Variants in PTPRD observed in about 807,000 individuals in gnomAD.
PTPRD encodes protein tyrosine phosphatase receptor type D.
PTPRD carries 34 observed loss-of-function variants against 214.5 expected under a neutral mutation model. The observed-to-expected ratio is 0.16, with a 90% CI of 0.12 to 0.21. PTPRD has a LOEUF of 0.21. PTPRD is among the 10% of genes least tolerant of loss of function. PTPRD has a pLI of 1.00. For missense variants in PTPRD, 2,545 were observed against 2,398.7 expected, an observed-to-expected ratio of 1.06 and a Z score of -1.27; for synonymous variants, 1,128 against 845.7, an observed-to-expected ratio of 1.33 and a Z score of -5.79.
intron 12 of PTPRD, among the ~76,000 whole-genome samples, chr9:8,706,994 G>C (rs1388429182): frequency 1.3e-5 from 2 of 152,104 alleles, no homozygotes; most frequent in African/African-American, 4.8e-5. Flanking sequence ...AAAGCACTGA[G>C]TTTTACTATT....
chr9:8,815,294 T>A (rs890054653), intron 11 of PTPRD, among the ~76,000 whole-genome samples: 5 of 152,100 alleles, frequency 3.3e-5, no homozygotes, highest in African/African-American at 1.2e-4. Context: ...TTACCTTTAA[T>A]CACAGGGAAT....
chr9:9,678,449 A>G (rs550632433), intron 7 of PTPRD, among the ~76,000 whole-genome samples: 2 of 152,212 alleles, frequency 1.3e-5, no homozygotes, highest in Admixed American at 6.6e-5. Context: ...GACAAACCTG[A>G]CAAAAACAAG....
chr9:9,052,236 C>T lies in PTPRD; in HGVS notation c.-142-33501G>A, dbSNP rs187954919. Among the ~76,000 whole-genome samples, 18 of 152,260 alleles carry T rather than the reference C, an allele frequency of 1.2e-4. No homozygotes were observed. In the East Asian group the frequency reaches 2.9e-3, roughly 25 times the overall value. On this transcript the variant is annotated intron_variant, in intron 10 of 45. Coordinates refer to ENST00000381196, the MANE Select transcript of PTPRD (RefSeq NM_002839.4). Reference sequence around the variant, plus strand: ...ACAATCCATTCATGAGGGTTCTGCCCTTATTATCTAATCACTTCCCAAAGG... The same window carrying T: ...ACAATCCATTCATGAGGGTTCTGCCTTTATTATCTAATCACTTCCCAAAGG...
intron 3 of PTPRD, among the ~76,000 whole-genome samples, chr9:10,084,762 T>C (rs1347231368): frequency 6.6e-6 from 1 of 152,036 alleles, no homozygotes; most frequent in Non-Finnish European, 1.5e-5. Flanking sequence ...GTCATGGTTG[T>C]GTTTACATCT....
chr9:9,258,461 T>C (rs1461127667), intron 9 of PTPRD, among the ~76,000 whole-genome samples: 1 of 152,024 alleles, frequency 6.6e-6, no homozygotes, highest in Admixed American at 6.6e-5. Context: ...CCATTGAGGA[T>C]GCGAGTTTTT....
At chr9:9,463,384 G>C (rs1047403064) in intron 8 of PTPRD, among the ~76,000 whole-genome samples, 1 of 152,094 alleles carries the variant, frequency 6.6e-6, no homozygotes, top group South Asian at 2.1e-4. Flanking sequence ...GGAAGAGGGA[G>C]GGAGGGGCAG....
chr9:9,135,201 T>G (rs1592193257), intron 10 of PTPRD, among the ~76,000 whole-genome samples: 2 of 152,244 alleles, frequency 1.3e-5, no homozygotes, highest in East Asian at 3.8e-4. Context: ...CTCATGTCTT[T>G]CCACTCTGAT....
At chr9:9,418,064 G>A (rs1328603480) in intron 8 of PTPRD, among the ~76,000 whole-genome samples, 3 of 151,970 alleles carry the variant, frequency 2.0e-5, no homozygotes, top group Admixed American at 6.6e-5. Flanking sequence ...TACAGCTTTT[G>A]TTTATCCTTT....
chr9:9,517,236 C>T (rs2096860229), intron 8 of PTPRD, among the ~76,000 whole-genome samples: 1 of 152,096 alleles, frequency 6.6e-6, no homozygotes, highest in Non-Finnish European at 1.5e-5. Flanking sequence ...CACTACCCAA[C>T]TCACTGCATA....
chr9:10,439,243 C>G (rs1316518126), intron 2 of PTPRD, among the ~76,000 whole-genome samples: 1 of 151,728 alleles, frequency 6.6e-6, no homozygotes, highest in African/African-American at 2.4e-5. Context: ...GAGTACTTCC[C>G]CTGAATGACT....
At chr9:9,338,619 A>T (rs561963870) in intron 9 of PTPRD, among the ~76,000 whole-genome samples, 1 of 152,292 alleles carries the variant, frequency 6.6e-6, no homozygotes, top group Non-Finnish European at 1.5e-5. Context: ...CAAGCTCTTC[A>T]GCATTTATTC....
chr9:9,979,837 T>G (rs893098627), intron 4 of PTPRD, among the ~76,000 whole-genome samples: 6 of 152,194 alleles, frequency 3.9e-5, no homozygotes, highest in Admixed American at 3.9e-4. Flanking sequence ...GACATAGGTC[T>G]TTATATAGAT....
intron 12 of PTPRD, among the ~76,000 whole-genome samples, chr9:8,660,213 G>C (rs1344846260): frequency 6.6e-6 from 1 of 151,320 alleles, no homozygotes; most frequent in Non-Finnish European, 1.5e-5. Flanking sequence ...TCTTACACAG[G>C]CACATATCCT....
chr9:9,432,401 A>G (rs1240800697), intron 8 of PTPRD, among the ~76,000 whole-genome samples: 1 of 152,200 alleles, frequency 6.6e-6, no homozygotes, highest in East Asian at 1.9e-4. Context: ...GAACTAAAAG[A>G]CAAACTTACA....
chr9:9,231,884 T>TA (rs2099963348), intron 9 of PTPRD, among the ~76,000 whole-genome samples: 1 of 152,144 alleles, frequency 6.6e-6, no homozygotes, highest in Non-Finnish European at 1.5e-5. Flanking sequence ...ACTTCCTTTT[T>TA]CTGATAATCA....
intron 9 of PTPRD, among the ~76,000 whole-genome samples, chr9:9,199,820 A>G (rs1305356992): frequency 6.6e-6 from 1 of 152,156 alleles, no homozygotes; most frequent in Non-Finnish European, 1.5e-5. Flanking sequence ...ATATATATAT[A>G]TAGCTGAAAT....
intron 14 of PTPRD, among the ~76,000 whole-genome samples, chr9:8,537,529 T>A (rs1235853654): frequency 6.6e-6 from 1 of 152,048 alleles, no homozygotes; most frequent in Non-Finnish European, 1.5e-5. Flanking sequence ...TAAGCTTTTA[T>A]TTCAGAGTAG....
chr9:9,276,432 T>G (rs992705257), intron 9 of PTPRD, among the ~76,000 whole-genome samples: 4 of 151,294 alleles, frequency 2.6e-5, no homozygotes, highest in African/African-American at 9.7e-5. Flanking sequence ...ACTGTTTTGG[T>G]AATGGGCAAG....
chr9:9,109,423 A>G (rs201920105), intron 10 of PTPRD, among the ~76,000 whole-genome samples: 1 of 152,172 alleles, frequency 6.6e-6, no homozygotes, highest in South Asian at 2.1e-4. Flanking sequence ...TTGATCTTGA[A>G]TAAGTTCATT....
Sources: gnomAD v4.1 joint callset for allele counts (sites outside exome capture counted in the v4.1 genomes callset) on GRCh38, gnomAD v4.1.1 for gene constraint, MANE v1.5 for transcripts, NCBI Gene and HGNC (gene_info 2026-07-23, HGNC 2026-07-21) for gene names.